The following ALDH2 variants were observed in gnomAD, a reference collection of about 807,000 sequenced individuals.
ALDH2 encodes the protein aldehyde dehydrogenase, mitochondrial.
Under a neutral mutation model 59.6 loss-of-function variants are expected in ALDH2, and 44 were observed. The ratio of observed to expected loss-of-function variants is 0.74; its 90% CI spans 0.58 to 0.95. ALDH2 has a LOEUF of 0.95. Ranked by LOEUF, ALDH2 falls within the 40% of genes least tolerant of loss-of-function variation. The probability of loss-of-function intolerance (pLI) is 0.00; values close to 1 mark genes in which losing one functional copy is unlikely to be tolerated. For missense variants in ALDH2, 570 were observed against 696.3 expected (o/e 0.82, Z 2.04); for synonymous variants, 291 against 284.0 (o/e 1.02, Z -0.25).
Position 111,809,614 on chromosome 12 carries a change from G to A in ALDH2, c.*39G>A. On this transcript the variant is annotated 3_prime_UTR_variant, in exon 13 of 13. Coordinates refer to ENST00000261733, the MANE Select transcript of ALDH2 (RefSeq NM_000690.4). ...TTCCTCCCTCAGCCATTGATGGAAAGTTCAGCAAGATCAGCAACAAAACCA... is the reference window on the plus strand; with the variant it reads ...TTCCTCCCTCAGCCATTGATGGAAAATTCAGCAAGATCAGCAACAAAACCA... 6.2e-7 allele frequency: 1 copy of A among 1,611,396 alleles called. No individual in the cohort carries two copies. The highest frequency in any genetic ancestry group is 2.2e-5 in the East Asian group (1 of 44,874).
At chr12:111,805,666 T>C (rs1228302560) in intron 12 of ALDH2, among the ~76,000 whole-genome samples, 1 of 152,060 alleles carries the variant, frequency 6.6e-6, no homozygotes, top group Non-Finnish European at 1.5e-5. Context: ...CAGGCCAAAT[T>C]GAAGAGTCAT....
chr12:111,773,628 G>C (rs1026915016), intron 1 of ALDH2, among the ~76,000 whole-genome samples: 5 of 152,160 alleles, frequency 3.3e-5, no homozygotes, highest in Non-Finnish European at 7.3e-5. Flanking sequence ...TGTGTGTGAA[G>C]GTTGGGCAGG....
chr12:111,771,940 A>G (rs553069648), intron 1 of ALDH2, among the ~76,000 whole-genome samples: 1 of 152,214 alleles, frequency 6.6e-6, no homozygotes, highest in South Asian at 2.1e-4. Context: ...CTCTGCTAAA[A>G]ATACAAAAAT....
chr12:111,787,820 A>G (rs944093190), intron 4 of ALDH2, among the ~76,000 whole-genome samples: 2 of 152,056 alleles, frequency 1.3e-5, no homozygotes, highest in Non-Finnish European at 2.9e-5. Flanking sequence ...TCACGAGGTC[A>G]GGAAATCGAG....
chr12:111,783,349 G>A (rs1310474206), intron 3 of ALDH2, 51 bp downstream of exon 3: 14 of 1,554,868 alleles, frequency 9.0e-6, no homozygotes, highest in East Asian at 4.6e-5. Context: ...GAATAGGCTC[G>A]CAGCATCCTG....
Position 111,781,935 on chromosome 12 carries a change from A to G in ALDH2, c.132A>G (p.Glu44=), listed in dbSNP as rs376595585. Residue 44 remains glutamate (E), a synonymous_variant, in exon 2 of 13, where the codon GAA becomes GAG. Transcript: ENST00000261733. The part of the protein sequence containing the change: ...VFCNQIFINN[E]WHDAVSRKTF... ...CATTGTAGATTTTCATAAACAATGA[A>G]TGGCACGATGCCGTCAGCAGGAAAA... 11 of 1,613,758 alleles carry G rather than the reference A, an allele frequency of 6.8e-6. No individual in the cohort carries two copies. In the African/African-American group the frequency reaches 1.2e-4, roughly 18 times the overall value.
chr12:111,791,431 C>T lies in ALDH2; in HGVS notation c.795+12C>T. 1.3e-6 allele frequency: 2 copies of T among 1,599,914 alleles called. No homozygotes were observed. Among genetic ancestry groups the T allele is most frequent in the Non-Finnish European group, 1.7e-6 (2 of 1,169,780 alleles). ...CAGGCTCCACTGAGGTAAGGTGACC[C>T]TGGCCTCAAGCTTGCAGCCTCCTTG... On this transcript the variant is annotated intron_variant, in intron 7 of 12. Transcript: ENST00000261733.
chr12:111,770,143 CAA>C (rs5800933), intron 1 of ALDH2, among the ~76,000 whole-genome samples: 9 of 137,556 alleles, frequency 6.5e-5, no homozygotes, highest in Non-Finnish European at 4.8e-5. Context: ...GACTCCATCT[CAA>C]AAAAAAAAAA....
In ALDH2 at chr12:111,792,121, C is replaced by T. The variant is rs1405589135; in HGVS notation, c.856C>T (p.Leu286=). ...SSNLKRVTLE[L]GGKSPNIIMS... ...CAACCTCAAGAGAGTGACCTTGGAGCTGGGGGGGAAGAGCCCCAACATCAT... is the reference window on the plus strand; with the variant it reads ...CAACCTCAAGAGAGTGACCTTGGAGTTGGGGGGGAAGAGCCCCAACATCAT... The change falls in exon 8 of 13, where the codon CTG becomes TTG. Residue 286 remains leucine (L), a synonymous_variant. Coordinates refer to ENST00000261733, the MANE Select transcript of ALDH2 (RefSeq NM_000690.4). 6.2e-7 allele frequency: 1 copy of T among 1,607,722 alleles called. No individual in the cohort carries two copies. Among genetic ancestry groups the T allele is most frequent in the Non-Finnish European group, 8.5e-7 (1 of 1,178,532 alleles).
At chr12:111,791,737 C>T (rs1354694796) in intron 7 of ALDH2, among the ~76,000 whole-genome samples, 2 of 152,064 alleles carry the variant, frequency 1.3e-5, no homozygotes, top group Non-Finnish European at 2.9e-5. Flanking sequence ...ACCAGGACTG[C>T]CATTGTGGTT....
In ALDH2 at chr12:111,767,667, T is replaced by C. The variant is rs1024737515; in HGVS notation, c.114+571T>C. Among the ~76,000 whole-genome samples, 6 of 152,214 alleles carry C rather than the reference T, an allele frequency of 3.9e-5. No individual in the cohort carries two copies. The East Asian group carries it at 1.2e-3, about 29-fold the overall frequency. ...GCCCCAGGGGGCCGACCCCAAGGGG[T>C]GTCTGCGGCTTCCAACGCCGGCTTC... On this transcript the variant is annotated intron_variant, in intron 1 of 12. Coordinates refer to ENST00000261733, the MANE Select transcript of ALDH2 (RefSeq NM_000690.4).
intron 8 of ALDH2, 141 bp from the exon 9 acceptor site, chr12:111,792,457 C>T (rs550110645): frequency 2.0e-6 from 2 of 1,020,928 alleles, no homozygotes; most frequent in East Asian, 2.6e-5. Flanking sequence ...GAGCACCCCT[C>T]ATCTCCCTGT....
Position 111,783,165 on chromosome 12 carries a change from T to C in ALDH2, c.227T>C (p.Val76Ala), listed in dbSNP as rs2068285197. The C allele has an allele frequency of 6.2e-7, 1 of 1,608,546 alleles. No individual in the cohort carries two copies. The highest frequency in any genetic ancestry group is 8.5e-7 in the Non-Finnish European group (1 of 1,176,366). ...TTTTCCTGTGTTTTCTAGGAAGATG[T>C]GGACAAGGCAGTGAAGGCCGCCCGG... is the stretch of plus-strand genomic sequence containing the variant. ...CQVAEGDKED[V>A]DKAVKAARAA... is the part of the protein sequence containing the mutation. Residue 76 changes from valine (V) to alanine (A), a missense_variant, in exon 3 of 13, where the codon GTG (valine) becomes GCG (alanine). Transcript: ENST00000261733.
rs2068528173 is a variant in ALDH2, at chr12:111,810,546, C to T, written c.*971C>T. 1.3e-5 allele frequency: 2 copies of T among 151,814 alleles called. No homozygotes were observed. The highest frequency in any genetic ancestry group is 4.1e-4 in the South Asian group (2 of 4,820). 9.4% of individuals were successfully genotyped at this position (151,814 alleles called of 1,614,324 possible). A position where few individuals can be genotyped will look rare whatever the true frequency, so the allele number is the denominator to read the frequency against. ...CAGGCTCTGAGATGTGCTCTAGAGA[C>T]AGAACCTAAACATGATGCCCAAGAG... On this transcript the variant is annotated 3_prime_UTR_variant, in exon 13 of 13. Coordinates refer to ENST00000261733, the MANE Select transcript of ALDH2 (RefSeq NM_000690.4).
chr12:111,800,286 G>T (rs1271571587), intron 11 of ALDH2, among the ~76,000 whole-genome samples: 2 of 152,212 alleles, frequency 1.3e-5, no homozygotes, highest in Admixed American at 1.3e-4. Flanking sequence ...GCAGCGGAGT[G>T]GTGGGGCTCC....
intron 2 of ALDH2, among the ~76,000 whole-genome samples, chr12:111,782,785 G>A (rs1004920152): frequency 3.3e-5 from 5 of 152,000 alleles, no homozygotes; most frequent in Admixed American, 3.3e-4. Context: ...TCAAGAGGCT[G>A]AGGTAGGATA....
intron 9 of ALDH2, among the ~76,000 whole-genome samples, chr12:111,793,849 G>T (rs1012290017): frequency 1.3e-5 from 2 of 151,522 alleles, no homozygotes. Flanking sequence ...ACCCAGCCTC[G>T]GGGTCATTTT....
intron 11 of ALDH2, among the ~76,000 whole-genome samples, chr12:111,803,100 G>A (rs553221216): frequency 4.0e-5 from 6 of 151,274 alleles, no homozygotes; most frequent in African/African-American, 9.7e-5. Flanking sequence ...CTGGAGATTC[G>A]CTTGAACCTG....
At position 111,792,721 on chromosome 12, in the gene ALDH2, CCCGGGCCAAGT is replaced by C; in HGVS notation, c.1024_1034del (p.Arg342SerfsTer8). On this transcript the variant is annotated frameshift_variant, in exon 9 of 13. Coordinates refer to ENST00000261733, the MANE Select transcript of ALDH2 (RefSeq NM_000690.4). LOFTEE classifies it high-confidence loss of function. ...GATGAGTTTGTGGAGCGGAGCGTTG[CCCGGGCCAAGT>C]CTCGGGTGGTCGGGAACCCCTTTGA... is the stretch of plus-strand genomic sequence containing the variant. The C allele has an allele frequency of 6.3e-7, 1 of 1,584,218 alleles. No individual in the cohort carries two copies. The highest frequency in any genetic ancestry group is 8.6e-7 in the Non-Finnish European group (1 of 1,165,496).
Sources: allele counts gnomAD v4.1 joint callset (sites outside exome capture counted in the v4.1 genomes callset), GRCh38; gene constraint gnomAD v4.1.1; transcripts MANE v1.5; gene names NCBI Gene and HGNC (gene_info 2026-07-23, HGNC 2026-07-21).